The following TMEM269 variants were observed in gnomAD, a reference collection of about 807,000 sequenced individuals.
The protein encoded by TMEM269 is transmembrane protein 269.
A neutral mutation model predicts 15.8 loss-of-function variants in TMEM269; 12 were observed. The observed-to-expected ratio is 0.76, with a 90% CI of 0.49 to 1.23. The LOEUF (loss-of-function observed/expected upper bound fraction) is 1.23. Among genes scored for constraint, TMEM269 ranks in the 50% most tolerant of loss-of-function variants. The probability of loss-of-function intolerance (pLI) is 0.00; values close to 1 mark genes in which losing one functional copy is unlikely to be tolerated. For missense variants in TMEM269, 211 were observed against 245.4 expected, an observed-to-expected ratio of 0.86 and a Z score of 0.94; for synonymous variants, 93 against 99.3, an observed-to-expected ratio of 0.94 and a Z score of 0.38.
At position 42,789,808 on chromosome 1, in the gene TMEM269, G is replaced by C; in HGVS notation, c.-86G>C. The C allele has an allele frequency of 6.5e-7, 1 of 1,535,584 alleles. No homozygotes were observed. Among genetic ancestry groups the C allele is most frequent in the Non-Finnish European group, 8.8e-7 (1 of 1,133,072 alleles). On this transcript the variant is annotated 5_prime_UTR_variant, in exon 2 of 6. Coordinates refer to ENST00000637012, the MANE Select transcript of TMEM269 (RefSeq NM_001354602.2). ...TCTTGGGCCCCAGGTAAGGGTACCAGTTTCTTCCTGAGCCATGACCAGAGC... is the reference window on the plus strand; with the variant it reads ...TCTTGGGCCCCAGGTAAGGGTACCACTTTCTTCCTGAGCCATGACCAGAGC...
rs185248310 is a variant in TMEM269 at position 42,787,469 on chromosome 1, G to A, written c.-98-2327G>A. Among the ~76,000 whole-genome samples, 22 of 151,404 alleles carry A rather than the reference G, an allele frequency of 1.5e-4. No homozygotes were observed. In the East Asian group the frequency reaches 2.7e-3, roughly 19 times the overall value. ...CAAAAAATTAGCCGGGCGCGGTGGC[G>A]GGCGCCTGTAGTCCCAGCTACTGGG... On this transcript the variant is annotated intron_variant, in intron 1 of 5. Transcript: ENST00000637012.
intron 3 of TMEM269, among the ~76,000 whole-genome samples, 152 bp from the exon 4 acceptor site, chr1:42,793,449 G>A (rs2124219635): frequency 6.6e-6 from 1 of 152,300 alleles, no homozygotes; most frequent in African/African-American, 2.4e-5. Context: ...GAGATCCCGA[G>A]CTTTGATCTG....
At chr1:42,789,294 A>G in intron 1 of TMEM269, 1 of 670,968 alleles carries the variant, frequency 1.5e-6, no homozygotes, top group Non-Finnish European at 2.6e-6. Flanking sequence ...GGGGCCTGTC[A>G]GAACCAGGAC....
Sources: gnomAD v4.1 joint callset for allele counts (sites outside exome capture counted in the v4.1 genomes callset) on GRCh38, gnomAD v4.1.1 for gene constraint, MANE v1.5 for transcripts, NCBI Gene and HGNC (gene_info 2026-07-23, HGNC 2026-07-21) for gene names.